The following HSF2BP variants were observed in gnomAD, a reference collection of about 807,000 sequenced individuals.
The protein encoded by HSF2BP is heat shock transcription factor 2 binding protein.
Under a neutral mutation model 35.0 loss-of-function variants are expected in HSF2BP, and 35 were observed. That is an observed-to-expected ratio of 1.00 (90% CI 0.76 to 1.32). The LOEUF is 1.32. HSF2BP is among the 40% of genes most tolerant of loss of function. The pLI is 0.00. For synonymous variants in HSF2BP, 114 were observed against 117.4 expected (o/e 0.97, Z 0.18); for missense variants, 326 against 321.7 (o/e 1.01, Z -0.10).
At chr21:43,572,493 G>A (rs761681152) in intron 8 of HSF2BP, among the ~76,000 whole-genome samples, 11 of 152,212 alleles carry the variant, frequency 7.2e-5, no homozygotes, top group Admixed American at 5.9e-4. Flanking sequence ...AGCAGAGAGG[G>A]AGCATGTGAA....
chr21:43,596,937 T>C (rs6518301), intron 7 of HSF2BP, among the ~76,000 whole-genome samples: 88,876 of 148,848 alleles, frequency 0.6, 26,917 homozygotes, highest in East Asian at 0.79. Flanking sequence ...GGCAAATATA[T>C]TGAGGTTTAG....
chr21:43,614,213 A>G (rs893515082), intron 6 of HSF2BP, among the ~76,000 whole-genome samples: 3 of 151,990 alleles, frequency 2.0e-5, no homozygotes, highest in African/African-American at 7.3e-5. Flanking sequence ...AAAATTTAAA[A>G]ATTAGCCGGG....
At chr21:43,648,867 G>C (rs1015168914) in intron 3 of HSF2BP, among the ~76,000 whole-genome samples, 6 of 152,122 alleles carry the variant, frequency 3.9e-5, no homozygotes, top group Non-Finnish European at 8.8e-5. Context: ...AGTACCTGGG[G>C]AACAACTACA....
intron 2 of HSF2BP, 63 bp downstream of exon 2, chr21:43,657,998 C>T: frequency 6.5e-7 from 1 of 1,533,752 alleles, no homozygotes; most frequent in African/African-American, 1.4e-5. Context: ...GGGGCGAGGC[C>T]CTGAGGGGAG....
intron 7 of HSF2BP, among the ~76,000 whole-genome samples, chr21:43,608,956 C>T (rs2082169208): frequency 6.6e-6 from 1 of 152,154 alleles, no homozygotes; most frequent in South Asian, 2.1e-4. Flanking sequence ...GTGAATGGAA[C>T]AGCCAGACCC....
intron 8 of HSF2BP, among the ~76,000 whole-genome samples, chr21:43,587,801 A>G (rs1021663789): frequency 2.0e-5 from 3 of 152,182 alleles, no homozygotes; most frequent in African/African-American, 4.8e-5. Context: ...ACCTGAGTCA[A>G]AGAACACACT....
intron 3 of HSF2BP, among the ~76,000 whole-genome samples, chr21:43,647,351 C>A (rs944786845): frequency 1.3e-5 from 2 of 152,066 alleles, no homozygotes; most frequent in East Asian, 3.9e-4. Context: ...CTCAGCCTCC[C>A]GAGTAGCTGG....
the HSF2BP span, among the ~76,000 whole-genome samples, chr21:43,467,633 G>T: frequency 2.0e-5 from 3 of 151,402 alleles, no homozygotes; most frequent in East Asian, 3.9e-4. Flanking sequence ...ATGCACAGGG[G>T]CCGGGGTCTG....
intron 6 of HSF2BP, among the ~76,000 whole-genome samples, chr21:43,615,168 A>C (rs1173812057): frequency 9.2e-5 from 14 of 152,210 alleles, no homozygotes; most frequent in Admixed American, 8.5e-4. Flanking sequence ...GCATGATTCA[A>C]ACTGACTAAG....
At chr21:43,654,427 G>A (rs2082838117) in intron 3 of HSF2BP, among the ~76,000 whole-genome samples, 1 of 152,178 alleles carries the variant, frequency 6.6e-6, no homozygotes, top group Non-Finnish European at 1.5e-5. Flanking sequence ...TTCGCAGTCA[G>A]ACTTAATATT....
At chr21:43,657,889 C>T (rs1319368141) in intron 2 of HSF2BP, 172 bp downstream of exon 2, 1 of 985,376 alleles carries the variant, frequency 1.0e-6, no homozygotes, top group Non-Finnish European at 1.2e-6. Flanking sequence ...CGCCTCCCGC[C>T]CCAGGTCTCC....
At chr21:43,608,794 C>A (rs1053581384) in intron 7 of HSF2BP, among the ~76,000 whole-genome samples, 1 of 151,482 alleles carries the variant, frequency 6.6e-6, no homozygotes, top group East Asian at 1.9e-4. Flanking sequence ...AGACCCCTAT[C>A]GCTACCAAAA....
intron 7 of HSF2BP, among the ~76,000 whole-genome samples, chr21:43,598,924 T>G (rs1355354185): frequency 6.6e-6 from 1 of 152,194 alleles, no homozygotes; most frequent in Admixed American, 6.5e-5. Flanking sequence ...ACAGCAGAAC[T>G]GAGTCACCGC....
rs969466194 is a variant in HSF2BP, at chr21:43,659,300, C to T, written c.-225+86G>A. The T allele has an allele frequency of 6.5e-6, 1 of 153,726 alleles. No homozygotes were observed. Among genetic ancestry groups the T allele is most frequent in the African/African-American group, 2.4e-5 (1 of 41,620 alleles). 9.5% of individuals were successfully genotyped at this position (153,726 alleles called of 1,614,324 possible). A position where few individuals can be genotyped will look rare whatever the true frequency, so the allele number is the denominator to read the frequency against. On this transcript the variant is annotated intron_variant, in intron 1 of 8. Coordinates refer to ENST00000291560, the MANE Select transcript of HSF2BP (RefSeq NM_007031.2). This position sits in a 1 kb window ranked among gnomAD's most constrained non-coding sequence, Gnocchi z 4.2. ...TTCCAGCCTGGGCGACAGAGGGAGA[C>T]CCTGTCTCAAAAACAAACAAAAAAT...
chr21:43,455,159 C>T, the HSF2BP span, among the ~76,000 whole-genome samples: 2 of 35,178 alleles, frequency 5.7e-5, 1 homozygote, highest in Non-Finnish European at 1.0e-4. Flanking sequence ...TCCTGCAAAA[C>T]GTTATTCTAC....
intron 6 of HSF2BP, among the ~76,000 whole-genome samples, chr21:43,616,569 G>A (rs1358611248): frequency 1.3e-5 from 2 of 152,162 alleles, no homozygotes; most frequent in African/African-American, 4.8e-5. Context: ...TTTGAACCCA[G>A]GAGGTGGATG....
intron 3 of HSF2BP, among the ~76,000 whole-genome samples, chr21:43,653,063 G>C (rs1400781398): frequency 1.3e-5 from 2 of 151,812 alleles, no homozygotes; most frequent in African/African-American, 4.8e-5. Context: ...TGAACCCAGG[G>C]GGCAGAGGTT....
At chr21:43,615,450 C>A (rs1448613224) in intron 6 of HSF2BP, among the ~76,000 whole-genome samples, 1 of 152,116 alleles carries the variant, frequency 6.6e-6, no homozygotes, top group African/African-American at 2.4e-5. Flanking sequence ...TTCATGTTAC[C>A]CGGCCAGCTT....
chr21:43,657,988 G>C, intron 2 of HSF2BP, 73 bp downstream of exon 2: 20 of 1,530,564 alleles, frequency 1.3e-5, no homozygotes, highest in Non-Finnish European at 1.7e-5. Flanking sequence ...CCGAGCGCAC[G>C]GGGCGAGGCC....
Sources: gnomAD v4.1 joint callset for allele counts (sites outside exome capture counted in the v4.1 genomes callset) on GRCh38, gnomAD v4.1.1 for gene constraint, Gnocchi (gnomAD v3.1) non-coding constraint, MANE v1.5 for transcripts, NCBI Gene and HGNC (gene_info 2026-07-23, HGNC 2026-07-21) for gene names.